ST8SIA1: variants seen among roughly 807,000 people sequenced by gnomAD.
The protein encoded by ST8SIA1 is alpha-N-acetylneuraminide alpha-2,8-sialyltransferase.
A neutral mutation model predicts 35.9 loss-of-function variants in ST8SIA1; 16 were observed. That is an observed-to-expected ratio of 0.45 (90% confidence interval 0.30 to 0.68). The LOEUF (loss-of-function observed/expected upper bound fraction) is 0.68. Ranked by LOEUF, ST8SIA1 falls within the 30% of genes least tolerant of loss-of-function variation. The pLI is 0.09. For missense variants in ST8SIA1, 383 were observed against 453.6 expected, an observed-to-expected ratio of 0.84 and a Z score of 1.41; for synonymous variants, 170 against 169.6, an observed-to-expected ratio of 1.00 and a Z score of -0.02.
At position 22,334,605 on chromosome 12, in the gene ST8SIA1, T is replaced by G. The variant is rs1374324930; in HGVS notation, c.-373A>C. ...CCTCGGCGAGGGTCCGGGAGAAGGC[T>G]CGGCTCCCTCCTAAACATGTGGCCC... On this transcript the variant is annotated 5_prime_UTR_variant, in exon 1 of 5. Transcript: ENST00000396037. The G allele has an allele frequency of 2.1e-5, 6 of 292,428 alleles. No individual in the cohort carries two copies. The highest frequency in any genetic ancestry group is 1.3e-4 in the African/African-American group (6 of 45,178). The allele number at this position is 292,428 out of a possible 1,614,324, so 18.1% of individuals were successfully genotyped here.
chr12:22,270,968 C>T (rs1006698731), intron 2 of ST8SIA1, among the ~76,000 whole-genome samples: 17 of 152,022 alleles, frequency 1.1e-4, no homozygotes, highest in African/African-American at 4.1e-4. Context: ...GCCTTTTTTC[C>T]TATGTATTTG....
intron 2 of ST8SIA1, among the ~76,000 whole-genome samples, chr12:22,263,313 T>C (rs1168606692): frequency 1.3e-5 from 2 of 152,212 alleles, no homozygotes. Flanking sequence ...CACTGCTTAG[T>C]TTCTGAGATG....
At position 22,325,632 on chromosome 12, in the gene ST8SIA1, C is replaced by T. The variant is rs563987823; in HGVS notation, c.236+8365G>A. 5.4e-5 allele frequency: 33 copies of T among 615,476 alleles called. No homozygotes were observed. The East Asian group carries it at 8.6e-4, about 16-fold the overall frequency. 38.1% of individuals were successfully genotyped at this position (615,476 alleles called of 1,614,324 possible). On this transcript the variant is annotated intron_variant, in intron 1 of 4. Transcript: ENST00000396037. ...TCTGTGGAGGATACATTCCAAGACC[C>T]CCAGTGGATGTCTGAAACTTCAGAT...
chr12:22,276,169 CA>C (rs1233187228), intron 2 of ST8SIA1, among the ~76,000 whole-genome samples: 10 of 152,258 alleles, frequency 6.6e-5, no homozygotes, highest in East Asian at 5.8e-4. Flanking sequence ...CCAGCAACAA[CA>C]AAAAAACTAG....
At chr12:22,205,126 T>G (rs1367546011) in intron 4 of ST8SIA1, among the ~76,000 whole-genome samples, 1 of 152,220 alleles carries the variant, frequency 6.6e-6, no homozygotes, top group East Asian at 1.9e-4. Flanking sequence ...TATTCCTTCC[T>G]TCCAACTTAA....
rs762658548 is a variant in ST8SIA1 at position 22,334,036 on chromosome 12, G to T, written c.197C>A (p.Thr66Lys). 7 of 1,614,074 alleles carry T rather than the reference G, an allele frequency of 4.3e-6. No individual in the cohort carries two copies. In the Admixed American group the frequency reaches 1.0e-4, roughly 23 times the overall value. ...EIVQGVLQQG[T>K]AWRRNQTAAR... ...CGCGGTCTGGTTCCTCCTCCACGCCGTGCCCTGTTGCAGCACCCCCTGCAC... is the reference window on the plus strand; with the variant it reads ...CGCGGTCTGGTTCCTCCTCCACGCCTTGCCCTGTTGCAGCACCCCCTGCAC... The change falls in exon 1 of 5, where the codon ACG becomes AAG. Residue 66 changes from threonine to lysine, a missense_variant. Transcript: ENST00000396037.
intron 4 of ST8SIA1, among the ~76,000 whole-genome samples, chr12:22,232,350 G>A (rs968487801): frequency 3.9e-5 from 6 of 152,106 alleles, no homozygotes; most frequent in African/African-American, 9.7e-5. Context: ...TAGAGCCACC[G>A]TAATTTAGCA....
chr12:22,286,763 CA>C (rs1866105680), intron 2 of ST8SIA1, among the ~76,000 whole-genome samples: 2 of 152,098 alleles, frequency 1.3e-5, no homozygotes, highest in African/African-American at 4.8e-5. Context: ...AACTTCTCAC[CA>C]TATGGTCCCC....
rs373618261 is a variant in ST8SIA1 at position 22,325,903 on chromosome 12, T to C, written c.236+8094A>G. On this transcript the variant is annotated intron_variant, in intron 1 of 4. Coordinates refer to ENST00000396037, the MANE Select transcript of ST8SIA1 (RefSeq NM_003034.4). ...ACCAAGATGGATATTAAGTGACTCA[T>C]GGGCAGCAAGTGTCAACAGTGTGGA... 6.6e-5 allele frequency: 46 copies of C among 700,760 alleles called. No homozygotes were observed. In the African/African-American group the frequency reaches 6.8e-4, roughly 10 times the overall value. The allele number at this position is 700,760 out of a possible 1,614,324, so 43.4% of individuals were successfully genotyped here.
In ST8SIA1 at chr12:22,249,036, A is replaced by G. The variant is rs754894634; in HGVS notation, c.554T>C (p.Val185Ala). ...CCGAATTATGCTGGGATTAGCTGTC[A>G]CTAACTGACTTTTGGATCCAACATC... The part of the protein sequence containing the change: ...TKDVGSKSQL[V>A]TANPSIIRQR... The change falls in exon 4 of 5, where the codon GTG becomes GCG. Residue 185 changes from valine to alanine, a missense_variant. Val to Ala is a moderately conservative substitution (Grantham distance 64). Transcript: ENST00000396037. The G allele has an allele frequency of 6.2e-7, 1 of 1,613,942 alleles. No homozygotes were observed.
chr12:22,265,914 C>A (rs80061645), intron 2 of ST8SIA1, among the ~76,000 whole-genome samples: 3,064 of 152,166 alleles, frequency 0.02, 102 homozygotes, highest in African/African-American at 0.07. Flanking sequence ...CCATGTTTTC[C>A]CTTGCCCACA....
intron 4 of ST8SIA1, chr12:22,223,709 G>T: frequency 8.1e-7 from 1 of 1,241,944 alleles, no homozygotes; most frequent in Non-Finnish European, 1.0e-6. Context: ...TTTGGCTTTT[G>T]GAGCTGTTTT....
At chr12:22,253,125 G>T (rs974253363) in intron 3 of ST8SIA1, among the ~76,000 whole-genome samples, 2 of 152,160 alleles carry the variant, frequency 1.3e-5, no homozygotes, top group Non-Finnish European at 2.9e-5. Context: ...AGGGCCTGAG[G>T]AATTGCCTAC....
chr12:22,290,074 T>C (rs79620067), intron 1 of ST8SIA1, among the ~76,000 whole-genome samples: 2,416 of 152,254 alleles, frequency 0.016, 106 homozygotes, highest in South Asian at 0.14. Flanking sequence ...AAATACGCCA[T>C]AGAAAATACA....
At chr12:22,315,990 T>A (rs911424845) in intron 1 of ST8SIA1, among the ~76,000 whole-genome samples, 16 of 151,858 alleles carry the variant, frequency 1.1e-4, no homozygotes, top group South Asian at 2.1e-4. Flanking sequence ...AAAATAAAAT[T>A]AAATTAAATA....
At chr12:22,265,742 GTTC>G (rs991324662) in intron 2 of ST8SIA1, among the ~76,000 whole-genome samples, 1 of 152,066 alleles carries the variant, frequency 6.6e-6, no homozygotes, top group Non-Finnish European at 1.5e-5. Flanking sequence ...AGGCTCTTCT[GTTC>G]TTCTCCTCTT....
intron 4 of ST8SIA1, among the ~76,000 whole-genome samples, chr12:22,216,942 C>T (rs982310873): frequency 2.0e-5 from 3 of 152,202 alleles, no homozygotes; most frequent in Admixed American, 6.5e-5. Flanking sequence ...CATTTTCTAT[C>T]ACTGGCTTTT....
At chr12:22,234,591 T>C (rs1865455623) in intron 4 of ST8SIA1, among the ~76,000 whole-genome samples, 1 of 152,246 alleles carries the variant, frequency 6.6e-6, no homozygotes, top group Admixed American at 6.5e-5. Context: ...AAATCAAATT[T>C]ACATCCCAGG....
At chr12:22,235,627 T>G (rs1865468692) in intron 4 of ST8SIA1, among the ~76,000 whole-genome samples, 1 of 152,202 alleles carries the variant, frequency 6.6e-6, no homozygotes, top group Non-Finnish European at 1.5e-5. Context: ...TTAGCCAGTT[T>G]CACACTTTAC....
Sources: gnomAD v4.1 joint callset for allele counts (sites outside exome capture counted in the v4.1 genomes callset) on GRCh38, gnomAD v4.1.1 for gene constraint, MANE v1.5 for transcripts, NCBI Gene and HGNC (gene_info 2026-07-23, HGNC 2026-07-21) for gene names.